Variants in CNTNAP2 observed in about 807,000 individuals in gnomAD.
The protein encoded by CNTNAP2 is contactin associated protein 2, also known as contactin-associated protein-like 2.
Under a neutral mutation model 155.2 loss-of-function variants are expected in CNTNAP2, and 98 were observed. The ratio of observed to expected loss-of-function variants is 0.63; its 90% CI spans 0.54 to 0.75. The LOEUF (loss-of-function observed/expected upper bound fraction) is 0.75. Among genes scored for constraint, CNTNAP2 ranks in the 30% least tolerant of loss-of-function variants. The pLI, the probability that CNTNAP2 is intolerant of heterozygous loss-of-function variation, is 0.00. For synonymous variants in CNTNAP2, 651 were observed against 631.2 expected, an observed-to-expected ratio of 1.03 and a Z score of -0.47; for missense variants, 1,727 against 1,688.1, an observed-to-expected ratio of 1.02 and a Z score of -0.40.
At position 147,032,989 on chromosome 7, in the gene CNTNAP2, A is replaced by T. The variant is rs1485476490; in HGVS notation, c.403-10918A>T. Among the ~76,000 whole-genome samples, 9 of 151,918 alleles carry T rather than the reference A, an allele frequency of 5.9e-5. No individual in the cohort carries two copies. The East Asian group carries it at 1.7e-3, about 29-fold the overall frequency. ...AATCAGATTTTTAAGATTTTACTTT[A>T]TTAATTTTCAAAGTCAAATTATTGC... On this transcript the variant is annotated intron_variant, in intron 3 of 23. Coordinates refer to ENST00000361727, the MANE Select transcript of CNTNAP2 (RefSeq NM_014141.6).
At chr7:146,911,808 A>G (rs1454853454) in intron 3 of CNTNAP2, among the ~76,000 whole-genome samples, 3 of 152,112 alleles carry the variant, frequency 2.0e-5, no homozygotes, top group African/African-American at 4.8e-5. Context: ...AAGTATAATA[A>G]TAAAAAAAAT....
At chr7:146,146,163 A>T (rs1451724062) in intron 1 of CNTNAP2, among the ~76,000 whole-genome samples, 1 of 152,198 alleles carries the variant, frequency 6.6e-6, no homozygotes, top group Non-Finnish European at 1.5e-5. Context: ...TTTTAAAAGG[A>T]ACTTAATATC....
chr7:146,548,613 C>G (rs1584976013), intron 1 of CNTNAP2, among the ~76,000 whole-genome samples: 1 of 151,872 alleles, frequency 6.6e-6, no homozygotes, highest in Admixed American at 6.6e-5. Context: ...TCTTCATAGG[C>G]CTTTGGGCCC....
intron 9 of CNTNAP2, among the ~76,000 whole-genome samples, chr7:147,392,295 C>A (rs1007037912): frequency 6.7e-6 from 1 of 149,806 alleles, no homozygotes; most frequent in East Asian, 2.0e-4. Flanking sequence ...TGTTATAATT[C>A]TCTGCCAGTA....
At chr7:147,445,201 G>T (rs1173051423) in intron 10 of CNTNAP2, among the ~76,000 whole-genome samples, 2 of 152,198 alleles carry the variant, frequency 1.3e-5, no homozygotes, top group South Asian at 2.1e-4. Flanking sequence ...TGTCCTCTCA[G>T]CAGGGACAGG....
intron 8 of CNTNAP2, among the ~76,000 whole-genome samples, chr7:147,239,892 C>A (rs752154345): frequency 2.2e-4 from 34 of 152,204 alleles, no homozygotes; most frequent in Non-Finnish European, 3.2e-4. Flanking sequence ...CGTAATGCAT[C>A]TTTTTCATAT....
At chr7:148,267,402 C>T (rs1040431531) in intron 21 of CNTNAP2, among the ~76,000 whole-genome samples, 4 of 151,976 alleles carry the variant, frequency 2.6e-5, no homozygotes, top group Non-Finnish European at 4.4e-5. Flanking sequence ...CGCCTGTAAT[C>T]CCAGCACTTT....
At chr7:147,233,538 TTAAAG>T (rs1340164335) in intron 8 of CNTNAP2, among the ~76,000 whole-genome samples, 1 of 151,524 alleles carries the variant, frequency 6.6e-6, no homozygotes, top group African/African-American at 2.4e-5. Context: ...AAGTATTATA[TTAAAG>T]TATTGTGGTG....
chr7:147,694,949 C>CT (rs917339106), intron 13 of CNTNAP2, among the ~76,000 whole-genome samples: 6 of 151,942 alleles, frequency 3.9e-5, no homozygotes, highest in African/African-American at 1.5e-4. Context: ...GATTTTAGAT[C>CT]TTTTTTTCTA....
chr7:147,800,257 T>A (rs900445827), intron 13 of CNTNAP2, among the ~76,000 whole-genome samples: 1 of 152,178 alleles, frequency 6.6e-6, no homozygotes, highest in African/African-American at 2.4e-5. Flanking sequence ...AAGATTTGAT[T>A]TGGGGATCCC....
chr7:148,087,165 G>A (rs1436992029), intron 15 of CNTNAP2, among the ~76,000 whole-genome samples: 3 of 151,966 alleles, frequency 2.0e-5, no homozygotes, highest in East Asian at 3.9e-4. Context: ...GTGGTCACTG[G>A]TACCAATAAA....
chr7:146,277,736 GA>G, intron 1 of CNTNAP2, among the ~76,000 whole-genome samples: 1 of 152,124 alleles, frequency 6.6e-6, no homozygotes, highest in East Asian at 1.9e-4. Context: ...ATATAAAACA[GA>G]AAGTAGTAAA....
At chr7:148,337,170 T>A (rs1026303798) in intron 21 of CNTNAP2, among the ~76,000 whole-genome samples, 3 of 152,006 alleles carry the variant, frequency 2.0e-5, no homozygotes, top group African/African-American at 7.2e-5. Flanking sequence ...TCCCTAACGG[T>A]GCAGCAGACA....
At chr7:147,157,680 C>A (rs1378580502) in intron 8 of CNTNAP2, among the ~76,000 whole-genome samples, 1 of 152,074 alleles carries the variant, frequency 6.6e-6, no homozygotes, top group Admixed American at 6.6e-5. Flanking sequence ...CTTCCACATC[C>A]CTCATTTGTC....
chr7:147,581,114 A>G (rs919549422), intron 12 of CNTNAP2, among the ~76,000 whole-genome samples: 2 of 152,200 alleles, frequency 1.3e-5, no homozygotes, highest in Non-Finnish European at 2.9e-5. Flanking sequence ...ATAGGTAGAT[A>G]ACTGGCCTAG....
chr7:147,776,723 A>G (rs1402572250), intron 13 of CNTNAP2, among the ~76,000 whole-genome samples: 1 of 152,132 alleles, frequency 6.6e-6, no homozygotes, highest in African/African-American at 2.4e-5. Flanking sequence ...TTCTAAGAGC[A>G]GGTAGAACAT....
intron 10 of CNTNAP2, among the ~76,000 whole-genome samples, chr7:147,427,892 A>G (rs894731738): frequency 6.6e-6 from 1 of 152,162 alleles, no homozygotes; most frequent in Non-Finnish European, 1.5e-5. Context: ...TACTGTTTAT[A>G]TGCAAACCTA....
chr7:146,594,904 A>G (rs1342363590), intron 1 of CNTNAP2, among the ~76,000 whole-genome samples: 1 of 152,138 alleles, frequency 6.6e-6, no homozygotes, highest in Non-Finnish European at 1.5e-5. Context: ...CTAATTACCA[A>G]CATGACAACG....
chr7:147,520,577 G>A (rs765707657), intron 11 of CNTNAP2, among the ~76,000 whole-genome samples: 1 of 152,160 alleles, frequency 6.6e-6, no homozygotes, highest in Admixed American at 6.5e-5. Context: ...TTTAACTTCC[G>A]TGGAGGAGGA....
Sources: allele counts gnomAD v4.1 joint callset (sites outside exome capture counted in the v4.1 genomes callset), GRCh38; gene constraint gnomAD v4.1.1; transcripts MANE v1.5; gene names NCBI Gene and HGNC (gene_info 2026-07-23, HGNC 2026-07-21).